The following RALYL variants were observed in gnomAD, a reference collection of about 807,000 sequenced individuals.
The protein encoded by RALYL is RNA-binding Raly-like protein.
RALYL carries 29 observed loss-of-function variants against 35.1 expected under a neutral mutation model. The ratio of observed to expected loss-of-function variants is 0.83; its 90% CI spans 0.61 to 1.13. RALYL has a LOEUF of 1.13. RALYL is among the 50% of genes most tolerant of loss of function. RALYL has a pLI of 0.00. For synonymous variants in RALYL, 120 were observed against 127.6 expected, an observed-to-expected ratio of 0.94 and a Z score of 0.40; for missense variants, 359 against 360.4, an observed-to-expected ratio of 1.00 and a Z score of 0.03.
chr8:84,658,842 T>A (rs1226021847), intron 2 of RALYL, among the ~76,000 whole-genome samples: 1 of 152,094 alleles, frequency 6.6e-6, no homozygotes, highest in Admixed American at 6.6e-5. Flanking sequence ...GGGAACTACA[T>A]CTCAGTCTCA....
chr8:84,559,973 G>T (rs958200561), intron 2 of RALYL, among the ~76,000 whole-genome samples: 7 of 141,588 alleles, frequency 4.9e-5, no homozygotes, highest in Non-Finnish European at 1.1e-4. Flanking sequence ...AATATATTAG[G>T]TTTTTTTTTT....
intron 3 of RALYL, among the ~76,000 whole-genome samples, chr8:84,799,347 C>T (rs1051103884): frequency 3.9e-5 from 6 of 152,046 alleles, no homozygotes; most frequent in Non-Finnish European, 7.4e-5. Flanking sequence ...AGATTTGTAA[C>T]GAGGAGAATT....
chr8:84,211,418 A>C (rs1313100050), intron 1 of RALYL, among the ~76,000 whole-genome samples: 3 of 152,118 alleles, frequency 2.0e-5, no homozygotes, highest in African/African-American at 7.2e-5. Context: ...TGGTTGTTTA[A>C]ATGACTGCAG....
intron 2 of RALYL, among the ~76,000 whole-genome samples, chr8:84,720,152 A>T (rs79783427): frequency 1.1e-3 from 170 of 152,212 alleles, no homozygotes; most frequent in African/African-American, 4.0e-3. Flanking sequence ...ATAGAAAAAA[A>T]CTCATCTTAA....
chr8:84,558,784 G>A (rs2061299835), intron 2 of RALYL, among the ~76,000 whole-genome samples: 1 of 152,040 alleles, frequency 6.6e-6, no homozygotes, highest in Admixed American at 6.6e-5. Context: ...ATTTCAGTGA[G>A]GATTGTCCTC....
intron 2 of RALYL, among the ~76,000 whole-genome samples, chr8:84,730,131 C>T (rs891589685): frequency 4.0e-5 from 6 of 151,796 alleles, no homozygotes; most frequent in African/African-American, 1.5e-4. Context: ...TGCAAAAATC[C>T]TCAATAAAAT....
chr8:84,816,041 A>G (rs1827211866), intron 4 of RALYL, among the ~76,000 whole-genome samples: 1 of 151,020 alleles, frequency 6.6e-6, no homozygotes, highest in African/African-American at 2.4e-5. Context: ...TCAAAAAAAA[A>G]AAAAAAAAAA....
At chr8:84,781,838 G>C (rs1377007741) in intron 3 of RALYL, among the ~76,000 whole-genome samples, 1 of 152,088 alleles carries the variant, frequency 6.6e-6, no homozygotes, top group African/African-American at 2.4e-5. Context: ...GGCGAAAACA[G>C]GAGCAAAATA....
intron 4 of RALYL, among the ~76,000 whole-genome samples, chr8:84,841,125 C>A (rs1310643823): frequency 1.3e-5 from 2 of 152,086 alleles, no homozygotes; most frequent in East Asian, 1.9e-4. Context: ...CAATACTAAC[C>A]TTAAATGTAA....
At chr8:84,369,320 A>G (rs1214454294) in intron 1 of RALYL, among the ~76,000 whole-genome samples, 1 of 151,840 alleles carries the variant, frequency 6.6e-6, no homozygotes, top group Non-Finnish European at 1.5e-5. Context: ...TTATTTATTT[A>G]TTTATTTATT....
chr8:84,898,406 T>C (rs1333835398), intron 8 of RALYL, among the ~76,000 whole-genome samples: 1 of 152,104 alleles, frequency 6.6e-6, no homozygotes, highest in Admixed American at 6.6e-5. Context: ...GCCATAAAAA[T>C]TAAATCAGAG....
chr8:84,700,609 A>G (rs994870037), intron 2 of RALYL, among the ~76,000 whole-genome samples: 1 of 152,220 alleles, frequency 6.6e-6, no homozygotes, highest in South Asian at 2.1e-4. Flanking sequence ...CAAACTTAAG[A>G]AAGTCTTTTA....
At chr8:84,398,307 C>T (rs2042544667) in intron 1 of RALYL, among the ~76,000 whole-genome samples, 1 of 148,020 alleles carries the variant, frequency 6.8e-6, no homozygotes, top group Non-Finnish European at 1.5e-5. Flanking sequence ...GGTAAAGTTT[C>T]TTTTTTTTTT....
intron 1 of RALYL, among the ~76,000 whole-genome samples, chr8:84,404,657 G>C (rs1318881664): frequency 1.3e-5 from 2 of 152,110 alleles, no homozygotes; most frequent in Non-Finnish European, 2.9e-5. Context: ...TCCCTGCCAG[G>C]CTTTGGTATC....
intron 4 of RALYL, among the ~76,000 whole-genome samples, chr8:84,825,427 A>G (rs1829463863): frequency 1.3e-5 from 2 of 152,318 alleles, no homozygotes; most frequent in South Asian, 4.1e-4. Flanking sequence ...CCACTGTGGA[A>G]AGCAGTCCGG....
chr8:84,734,474 G>C (rs961873199), intron 2 of RALYL, among the ~76,000 whole-genome samples: 6 of 151,966 alleles, frequency 3.9e-5, no homozygotes, highest in African/African-American at 1.5e-4. Context: ...TTCATATAAA[G>C]GAGTTGTATT....
At chr8:84,229,356 G>T (rs1282002102) in intron 1 of RALYL, among the ~76,000 whole-genome samples, 1 of 152,170 alleles carries the variant, frequency 6.6e-6, no homozygotes, top group Non-Finnish European at 1.5e-5. Context: ...ACTGAGTCTT[G>T]AGAAATAAGC....
intron 2 of RALYL, among the ~76,000 whole-genome samples, chr8:84,672,694 G>A (rs1443268441): frequency 1.3e-5 from 2 of 152,158 alleles, no homozygotes; most frequent in Non-Finnish European, 2.9e-5. Context: ...AAGAGAACAT[G>A]TACAGGGGAA....
At chr8:84,875,898 T>C (rs1247236984) in intron 7 of RALYL, among the ~76,000 whole-genome samples, 1 of 152,158 alleles carries the variant, frequency 6.6e-6, no homozygotes, top group Non-Finnish European at 1.5e-5. Flanking sequence ...TCACTCCTAA[T>C]TTACTATTAG....
Sources: allele counts gnomAD v4.1 joint callset (sites outside exome capture counted in the v4.1 genomes callset), GRCh38; gene constraint gnomAD v4.1.1; transcripts MANE v1.5; gene names NCBI Gene and HGNC (gene_info 2026-07-23, HGNC 2026-07-21).